Variants in SMYD3 observed in about 807,000 individuals in gnomAD.
SMYD3 encodes the protein histone-lysine N-methyltransferase SMYD3.
A neutral mutation model predicts 57.7 loss-of-function variants in SMYD3; 36 were observed. That is an observed-to-expected ratio of 0.62 (90% CI 0.48 to 0.82). SMYD3 has a LOEUF of 0.82. Ranked by LOEUF, SMYD3 falls within the 40% of genes least tolerant of loss-of-function variation. The pLI is 0.00. For missense variants in SMYD3, 515 were observed against 538.8 expected (o/e 0.96, Z 0.44); for synonymous variants, 211 against 195.0 (o/e 1.08, Z -0.68).
At chr1:246,488,301 C>G (rs1174943252) in intron 1 of SMYD3, among the ~76,000 whole-genome samples, 2 of 152,184 alleles carry the variant, frequency 1.3e-5, no homozygotes, top group Admixed American at 6.5e-5. Context: ...ATCTCTGATA[C>G]AGAAAGGTCA....
intron 5 of SMYD3, among the ~76,000 whole-genome samples, chr1:246,137,670 C>A (rs149612035): frequency 6.6e-6 from 1 of 152,190 alleles, no homozygotes; most frequent in East Asian, 1.9e-4. Context: ...AATTCAGCAA[C>A]CACAGCCTTA....
At chr1:246,339,006 G>A (rs769239785) in intron 2 of SMYD3, among the ~76,000 whole-genome samples, 2 of 140,486 alleles carry the variant, frequency 1.4e-5, no homozygotes, top group African/African-American at 3.3e-5. Flanking sequence ...ATTCCATGAC[G>A]GTGGAAAACT....
intron 5 of SMYD3, among the ~76,000 whole-genome samples, chr1:246,072,001 A>T (rs200751703): frequency 0.014 from 518 of 36,722 alleles, 26 homozygotes; most frequent in East Asian, 0.047. Flanking sequence ...CTCACTGTGG[A>T]TGCATCGTGT....
intron 5 of SMYD3, among the ~76,000 whole-genome samples, chr1:246,121,855 T>C (rs1013164780): frequency 6.6e-6 from 1 of 152,132 alleles, no homozygotes; most frequent in Non-Finnish European, 1.5e-5. Flanking sequence ...CATCACAATA[T>C]AGCAAAGCGA....
intron 5 of SMYD3, among the ~76,000 whole-genome samples, chr1:246,289,288 G>C (rs2064638790): frequency 6.6e-6 from 1 of 152,140 alleles, no homozygotes; most frequent in African/African-American, 2.4e-5. Context: ...ATTTGACTTT[G>C]TTACTTGCTG....
At position 246,481,621 on chromosome 1, in the gene SMYD3, T is replaced by TATATATATATATATATATACAC. The variant is rs1307881494; in HGVS notation, c.164+25432_164+25433insGTGTATATATATATATATATAT. On this transcript the variant is annotated intron_variant, in intron 1 of 11. Transcript: ENST00000490107. The stretch of plus-strand genomic sequence containing the variant: ...ATATATATATATACACATACATATA[T>TATATATATATATATATATACAC]ACATACATACATACACATATTCATA... 1.2e-3 allele frequency among the ~76,000 whole-genome samples: 121 copies of TATATATATATATATATATACAC among 98,450 alleles called. 2 individuals carry two copies. Among genetic ancestry groups the TATATATATATATATATATACAC allele is most frequent in the Middle Eastern group, 6.0e-3 (1 of 166 alleles). The allele number at this position is 98,450 out of a possible 152,430, so 64.6% of individuals were successfully genotyped here.
intron 5 of SMYD3, among the ~76,000 whole-genome samples, chr1:246,199,128 TC>T (rs35561206): frequency 0.044 from 6,716 of 151,884 alleles, 234 homozygotes; most frequent in African/African-American, 0.086. Flanking sequence ...CATCCCCTCT[TC>T]CCCCTCTAGT....
chr1:246,181,690 C>G (rs887230461), intron 5 of SMYD3, among the ~76,000 whole-genome samples: 3 of 152,124 alleles, frequency 2.0e-5, no homozygotes, highest in African/African-American at 7.2e-5. Flanking sequence ...ACATAGGGGT[C>G]CCCTTTGGGA....
intron 5 of SMYD3, among the ~76,000 whole-genome samples, chr1:246,237,214 G>A (rs56277503): frequency 0.21 from 31,525 of 151,940 alleles, 3,992 homozygotes; most frequent in East Asian, 0.58. Flanking sequence ...ATAACTGGTC[G>A]CAGCTCCATT....
intron 5 of SMYD3, among the ~76,000 whole-genome samples, chr1:245,941,986 T>C (rs1374859432): frequency 6.6e-6 from 1 of 151,914 alleles, no homozygotes; most frequent in Admixed American, 6.6e-5. Flanking sequence ...AAGCACTAAA[T>C]AAGGAAAGGA....
chr1:246,370,044 C>T (rs1040841509), intron 1 of SMYD3, among the ~76,000 whole-genome samples: 6 of 152,122 alleles, frequency 3.9e-5, no homozygotes, highest in African/African-American at 1.4e-4. Context: ...AGTTAGAATC[C>T]GAGAGGCAGA....
intron 5 of SMYD3, among the ~76,000 whole-genome samples, chr1:246,031,645 G>A (rs979850307): frequency 1.3e-5 from 2 of 151,752 alleles, no homozygotes; most frequent in Non-Finnish European, 2.9e-5. Flanking sequence ...GCTGAGGCAG[G>A]AGAATCGCTT....
chr1:245,834,306 C>T (rs1212950065), intron 10 of SMYD3, among the ~76,000 whole-genome samples: 2 of 152,178 alleles, frequency 1.3e-5, no homozygotes, highest in African/African-American at 4.8e-5. Flanking sequence ...GAGCTATGCA[C>T]GGATATACTG....
chr1:246,301,004 T>C (rs925447312), intron 5 of SMYD3, among the ~76,000 whole-genome samples: 5 of 152,158 alleles, frequency 3.3e-5, no homozygotes, highest in African/African-American at 1.2e-4. Context: ...CTACCCGTCC[T>C]AAGGGTAGTT....
chr1:246,133,322 T>A (rs1196252371), intron 5 of SMYD3, among the ~76,000 whole-genome samples: 1 of 152,038 alleles, frequency 6.6e-6, no homozygotes, highest in Non-Finnish European at 1.5e-5. Context: ...CCCAGGCTCG[T>A]GAAGTTACTG....
intron 5 of SMYD3, among the ~76,000 whole-genome samples, chr1:246,224,321 G>C (rs570064315): frequency 1.3e-5 from 2 of 152,178 alleles, no homozygotes; most frequent in East Asian, 1.9e-4. Flanking sequence ...GACCGAAGCA[G>C]TACAAGCACA....
rs2050578669 is a variant in SMYD3 at position 245,844,748 on chromosome 1, G to GACC, written c.1076+13745_1076+13747dup. Reference sequence around the variant, plus strand: ...TTCGAATGAAAGGCCAAGAACGGACGACCATCACGGCTCCAACATGAAGCC... The same window carrying GACC: ...TTCGAATGAAAGGCCAAGAACGGACGACCACCATCACGGCTCCAACATGAAGCC... On this transcript the variant is annotated intron_variant, in intron 10 of 11. Coordinates refer to ENST00000490107, the MANE Select transcript of SMYD3 (RefSeq NM_001167740.2). Among the ~76,000 whole-genome samples the GACC allele has an allele frequency of 2.0e-3, 3 of 1,520 alleles. No individual in the cohort carries two copies. In the South Asian group the frequency reaches 0.3, roughly 152 times the overall value. 1.0% of individuals were successfully genotyped at this position (1,520 alleles called of 152,430 possible). A position where few individuals can be genotyped will look rare whatever the true frequency, so the allele number is the denominator to read the frequency against.
chr1:245,916,030 G>A (rs966089201), intron 7 of SMYD3, among the ~76,000 whole-genome samples: 1 of 152,144 alleles, frequency 6.6e-6, no homozygotes, highest in Non-Finnish European at 1.5e-5. Flanking sequence ...CCGAAAGGGT[G>A]GCAGATGATA....
At chr1:246,487,866 G>A (rs1484559835) in intron 1 of SMYD3, among the ~76,000 whole-genome samples, 1 of 152,064 alleles carries the variant, frequency 6.6e-6, no homozygotes, top group African/African-American at 2.4e-5. Flanking sequence ...GGCTAATTTT[G>A]TATTTTTAGT....
Sources: allele counts gnomAD v4.1 joint callset (sites outside exome capture counted in the v4.1 genomes callset), GRCh38; gene constraint gnomAD v4.1.1; transcripts MANE v1.5; gene names NCBI Gene and HGNC (gene_info 2026-07-23, HGNC 2026-07-21).